DLGAP2: variants seen among roughly 807,000 people sequenced by gnomAD.
DLGAP2 encodes disks large-associated protein 2.
A neutral mutation model predicts 100.3 loss-of-function variants in DLGAP2; 26 were observed. That is an observed-to-expected ratio of 0.26 (90% CI 0.19 to 0.36). The LOEUF (loss-of-function observed/expected upper bound fraction) is 0.36. DLGAP2 is among the 10% of genes least tolerant of loss of function. The pLI is 1.00. For synonymous variants in DLGAP2, 886 were observed against 630.1 expected, an observed-to-expected ratio of 1.41 and a Z score of -6.08; for missense variants, 1,858 against 1,453.2, an observed-to-expected ratio of 1.28 and a Z score of -4.53.
At chr8:1,351,110 A>C (rs1585288448) in intron 3 of DLGAP2, among the ~76,000 whole-genome samples, 1 of 7,438 alleles carries the variant, frequency 1.3e-4, no homozygotes, top group East Asian at 0.023. Context: ...GTGTGTGGAA[A>C]GGCCGTGCAG....
intron 1 of DLGAP2, among the ~76,000 whole-genome samples, chr8:858,616 G>T (rs1456811485): frequency 6.7e-6 from 1 of 149,130 alleles, no homozygotes; most frequent in Non-Finnish European, 1.5e-5. Flanking sequence ...CGTGTGTGAT[G>T]CTGTCACCGT....
At chr8:1,224,947 A>T (rs1798384979) in intron 2 of DLGAP2, among the ~76,000 whole-genome samples, 1 of 152,262 alleles carries the variant, frequency 6.6e-6, no homozygotes, top group Non-Finnish European at 1.5e-5. Flanking sequence ...AAGTGACAAG[A>T]GTTAGCAAGG....
intron 2 of DLGAP2, among the ~76,000 whole-genome samples, chr8:1,174,504 A>C (rs1266946970): frequency 6.6e-6 from 1 of 151,038 alleles, no homozygotes; most frequent in African/African-American, 2.4e-5. Context: ...ACCATCATCA[A>C]AGTCATTATC....
At chr8:1,528,735 C>A (rs28439223) in intron 4 of DLGAP2, among the ~76,000 whole-genome samples, 30 of 152,102 alleles carry the variant, frequency 2.0e-4, no homozygotes, top group Admixed American at 3.3e-4. Context: ...AGTAAGGAGC[C>A]TGGCCTTCCT....
chr8:1,392,882 C>T (rs1350410103), intron 3 of DLGAP2, among the ~76,000 whole-genome samples: 6 of 141,200 alleles, frequency 4.2e-5, no homozygotes, highest in Admixed American at 3.5e-4. Context: ...TTAAATGTGA[C>T]GTTTCTGTTT....
At chr8:887,924 C>T (rs575172608) in intron 1 of DLGAP2, among the ~76,000 whole-genome samples, 1 of 152,190 alleles carries the variant, frequency 6.6e-6, no homozygotes, top group African/African-American at 2.4e-5. Flanking sequence ...GTTGGCCTGT[C>T]TTGCTAGGTT....
chr8:1,336,928 A>G lies in DLGAP2; in HGVS notation c.106+78045A>G, dbSNP rs189432454. On this transcript the variant is annotated intron_variant, in intron 3 of 14. Coordinates refer to ENST00000637795, the MANE Select transcript of DLGAP2 (RefSeq NM_001346810.2). ...TTCACTAGCAAAATGACATTGAGCA[A>G]TTCATATTTTCTAAGTACAAGTTAT... 3.3e-5 allele frequency among the ~76,000 whole-genome samples: 5 copies of G among 152,364 alleles called. No individual in the cohort carries two copies. The East Asian group carries it at 9.6e-4, about 29-fold the overall frequency.
intron 2 of DLGAP2, among the ~76,000 whole-genome samples, chr8:928,828 A>G (rs1419645497): frequency 6.6e-6 from 1 of 151,972 alleles, no homozygotes; most frequent in Admixed American, 6.5e-5. Flanking sequence ...CTGATTTCAC[A>G]GAGGAGGAAA....
chr8:1,110,072 G>C lies in DLGAP2; in HGVS notation c.74-148779G>C, dbSNP rs1379610725. ...TGCTGGGTCTGTGATGTGTGCACAG[G>C]TCTGTGAGGTGTGCACGGGTCTGTG... On this transcript the variant is annotated intron_variant, in intron 2 of 14. Coordinates refer to ENST00000637795, the MANE Select transcript of DLGAP2 (RefSeq NM_001346810.2). 2.8e-5 allele frequency among the ~76,000 whole-genome samples: 4 copies of C among 140,592 alleles called. No individual in the cohort carries two copies. In the East Asian group the frequency reaches 9.1e-4, roughly 32 times the overall value. The allele number at this position is 140,592 out of a possible 152,430, so 92.2% of individuals were successfully genotyped here. A position where few individuals can be genotyped will look rare whatever the true frequency, so the allele number is the denominator to read the frequency against.
At chr8:1,542,358 C>T (rs1801391336) in intron 4 of DLGAP2, among the ~76,000 whole-genome samples, 1 of 152,200 alleles carries the variant, frequency 6.6e-6, no homozygotes, top group South Asian at 2.1e-4. Flanking sequence ...TTTAAAACAT[C>T]TTCACCCCAA....
At chr8:1,423,002 A>G (rs1483410678) in intron 3 of DLGAP2, among the ~76,000 whole-genome samples, 1 of 152,176 alleles carries the variant, frequency 6.6e-6, no homozygotes, top group Non-Finnish European at 1.5e-5. Flanking sequence ...GACTGTGGCT[A>G]CATCTTGAGC....
intron 3 of DLGAP2, among the ~76,000 whole-genome samples, chr8:1,419,846 A>C (rs1444815653): frequency 6.6e-6 from 1 of 152,198 alleles, no homozygotes; most frequent in Non-Finnish European, 1.5e-5. Context: ...CAATCCCACT[A>C]CTGAGTGTAC....
At chr8:1,045,720 C>A (rs1021867353) in intron 2 of DLGAP2, among the ~76,000 whole-genome samples, 2 of 152,264 alleles carry the variant, frequency 1.3e-5, no homozygotes, top group Non-Finnish European at 1.5e-5. Flanking sequence ...TTTTTAGGGA[C>A]AGGTGTGTGT....
At chr8:1,232,801 A>C (rs1798564731) in intron 2 of DLGAP2, among the ~76,000 whole-genome samples, 1 of 152,238 alleles carries the variant, frequency 6.6e-6, no homozygotes, top group African/African-American at 2.4e-5. Context: ...GAAGTGTAGT[A>C]AACGTATCGC....
chr8:1,253,706 CTG>C (rs1388256622), intron 2 of DLGAP2, among the ~76,000 whole-genome samples: 2 of 152,180 alleles, frequency 1.3e-5, no homozygotes, highest in Admixed American at 6.5e-5. Flanking sequence ...ATTTCTCCAT[CTG>C]TGTCAATTAG....
At chr8:1,379,482 T>G (rs532406064) in intron 3 of DLGAP2, 22 of 152,362 alleles carry the variant, frequency 1.4e-4, no homozygotes, top group African/African-American at 4.6e-4. Flanking sequence ...GCGAATTTCC[T>G]CCTCCCGCTT....
intron 3 of DLGAP2, among the ~76,000 whole-genome samples, chr8:1,365,887 C>T (rs1294502949): frequency 6.6e-6 from 1 of 152,222 alleles, no homozygotes; most frequent in East Asian, 1.9e-4. Context: ...CCAGAATAAA[C>T]ATCTGCCCAG....
chr8:896,518 C>G (rs962878413), intron 1 of DLGAP2, among the ~76,000 whole-genome samples: 2 of 152,110 alleles, frequency 1.3e-5, no homozygotes, highest in African/African-American at 4.8e-5. Context: ...AACATGTCCC[C>G]CCAAATTCCT....
At chr8:1,441,469 C>T (rs1797830294) in intron 3 of DLGAP2, among the ~76,000 whole-genome samples, 1 of 152,026 alleles carries the variant, frequency 6.6e-6, no homozygotes. Flanking sequence ...GTGGGCAGAT[C>T]ACAAGGTCAA....
Sources: gnomAD v4.1 joint callset for allele counts (sites outside exome capture counted in the v4.1 genomes callset) on GRCh38, gnomAD v4.1.1 for gene constraint, MANE v1.5 for transcripts, NCBI Gene and HGNC (gene_info 2026-07-23, HGNC 2026-07-21) for gene names.